The following CLCN6 variants were observed in gnomAD, a reference collection of about 807,000 sequenced individuals.
CLCN6 encodes the protein H(+)/Cl(-) exchange transporter 6.
Under a neutral mutation model 109.8 loss-of-function variants are expected in CLCN6, and 70 were observed. That is an observed-to-expected ratio of 0.64 (90% CI 0.53 to 0.78). The LOEUF (loss-of-function observed/expected upper bound fraction) is 0.78, where lower values mean the gene tolerates loss of function less well. Ranked by LOEUF, CLCN6 falls within the 30% of genes least tolerant of loss-of-function variation. The pLI is 0.00. For synonymous variants in CLCN6, 444 were observed against 447.8 expected (o/e 0.99, Z 0.11); for missense variants, 984 against 1,142.3 (o/e 0.86, Z 2.00).
chr1:11,830,532 A>G (rs564111732), intron 13 of CLCN6, among the ~76,000 whole-genome samples: 19 of 152,058 alleles, frequency 1.2e-4, no homozygotes, highest in South Asian at 2.1e-4. Context: ...GTTATATGCA[A>G]ATATACACCA....
At chr1:11,808,360 C>G in intron 2 of CLCN6, among the ~76,000 whole-genome samples, 1 of 151,838 alleles carries the variant, frequency 6.6e-6, no homozygotes. Context: ...TCCCAAAGTT[C>G]TGGGATTACA....
intron 13 of CLCN6, among the ~76,000 whole-genome samples, chr1:11,829,525 T>C (rs1359494752): frequency 6.6e-6 from 1 of 152,010 alleles, no homozygotes; most frequent in Non-Finnish European, 1.5e-5. Flanking sequence ...CTTTGCCACT[T>C]CTGTGAACAA....
intron 13 of CLCN6, among the ~76,000 whole-genome samples, chr1:11,830,737 T>TCA (rs1359328796): frequency 2.5e-4 from 23 of 91,126 alleles, no homozygotes; most frequent in Admixed American, 2.1e-3. Context: ...TATGTATATA[T>TCA]TATATATATA....
At chr1:11,838,800 C>G (rs763121954) in intron 22 of CLCN6, 140 bp downstream of exon 22, 1 of 1,278,084 alleles carries the variant, frequency 7.8e-7, no homozygotes, top group East Asian at 2.3e-5. Flanking sequence ...GCTTTGAACC[C>G]TGCTCGGCTT....
rs1644525378 is a variant in CLCN6 at position 11,807,113 on chromosome 1, G to A, written c.88-18G>A. 6.2e-7 allele frequency: 1 copy of A among 1,613,474 alleles called. No individual in the cohort carries two copies. The highest frequency in any genetic ancestry group is 1.3e-5 in the African/African-American group (1 of 75,042). On this transcript the variant is annotated intron_variant, in intron 1 of 22. Transcript: ENST00000346436. ...CTAACCACTAAAAAAGGCTCCCTCTGCGGATCTGTTTTTCTAGACCATCCT... is the reference window on the plus strand; with the variant it reads ...CTAACCACTAAAAAAGGCTCCCTCTACGGATCTGTTTTTCTAGACCATCCT...
In CLCN6 at chr1:11,836,210, A is replaced by C. The variant is rs181057366; in HGVS notation, c.1980+57A>C. 3.6e-4 allele frequency: 553 copies of C among 1,519,060 alleles called. 1 individual carries two copies. The African/African-American group carries it at 7.1e-3, about 20-fold the overall frequency. The allele number at this position is 1,519,060 out of a possible 1,614,324, so 94.1% of individuals were successfully genotyped here. On this transcript the variant is annotated intron_variant, in intron 18 of 22. Transcript: ENST00000346436. ...TGAGAGACAAGCGGTCCCGTCTCAC[A>C]CGGCTTAGTGCTTTGCCCACCCCTG...
At position 11,840,541 on chromosome 1, in the gene CLCN6, G is replaced by A. The variant is rs570424929; in HGVS notation, c.*318G>A. The A allele has an allele frequency of 6.6e-6, 3 of 457,892 alleles. No homozygotes were observed. Among genetic ancestry groups the A allele is most frequent in the African/African-American group, 3.9e-5 (2 of 50,792 alleles). The allele number at this position is 457,892 out of a possible 1,614,324, so 28.4% of individuals were successfully genotyped here. A position where few individuals can be genotyped will look rare whatever the true frequency, so the allele number is the denominator to read the frequency against. ...GCAGAGGTAGAATCAGGCGGGCCCC[G>A]GGCTGCACTCCGAGCAGTGTTCCTG... On this transcript the variant is annotated 3_prime_UTR_variant, in exon 23 of 23. Coordinates refer to ENST00000346436, the MANE Select transcript of CLCN6 (RefSeq NM_001286.5).
intron 13 of CLCN6, among the ~76,000 whole-genome samples, chr1:11,830,737 T>TTATATATATATATATATA (rs369772847): frequency 1.1e-5 from 1 of 91,112 alleles, no homozygotes; most frequent in African/African-American, 4.0e-5. Flanking sequence ...TATGTATATA[T>TTATATATATATATATATA]TATATATATA....
intron 9 of CLCN6, 77 bp downstream of exon 9, chr1:11,826,291 T>C: frequency 1.6e-6 from 2 of 1,219,078 alleles, no homozygotes; most frequent in Non-Finnish European, 2.4e-6. Context: ...CGACACTTGC[T>C]CTAGCCTGGC....
intron 2 of CLCN6, among the ~76,000 whole-genome samples, chr1:11,814,270 G>A (rs1176703494): frequency 8.4e-6 from 1 of 119,634 alleles, no homozygotes; most frequent in Non-Finnish European, 1.8e-5. Context: ...TTTTTTGAGA[G>A]TGTCTCACTT....
chr1:11,832,170 A>G (rs1234488933), intron 13 of CLCN6, among the ~76,000 whole-genome samples: 1 of 152,244 alleles, frequency 6.6e-6, no homozygotes, highest in Non-Finnish European at 1.5e-5. Flanking sequence ...GTCTTGACCA[A>G]AAACCTTCAG....
At chr1:11,836,876 C>A in intron 18 of CLCN6, 123 bp from the exon 19 acceptor site, 1 of 1,094,670 alleles carries the variant, frequency 9.1e-7, no homozygotes, top group South Asian at 1.5e-5. Context: ...GAACCTCAGC[C>A]CCATTAAGTT....
In CLCN6 at chr1:11,842,924, C is replaced by T. The variant is rs1463882074; in HGVS notation, c.*2701C>T. 1 of 152,286 alleles carries T rather than the reference C, an allele frequency of 6.6e-6. No individual in the cohort carries two copies. Among genetic ancestry groups the T allele is most frequent in the Non-Finnish European group, 1.5e-5 (1 of 68,062 alleles). 9.4% of individuals were successfully genotyped at this position (152,286 alleles called of 1,614,324 possible). ...TGCAGTATTGATGTGCAGTATTGCA[C>T]CACAGCTCTGCGGACCTTGGCCATT... is the stretch of plus-strand genomic sequence containing the variant. On this transcript the variant is annotated 3_prime_UTR_variant, in exon 23 of 23. Transcript: ENST00000346436.
intron 5 of CLCN6, 37 bp downstream of exon 5, chr1:11,819,591 A>G: frequency 6.4e-7 from 1 of 1,568,418 alleles, no homozygotes; most frequent in Non-Finnish European, 8.8e-7. Flanking sequence ...CGTGGACTTC[A>G]GTGGTCACCA....
chr1:11,834,232 C>T lies in CLCN6; in HGVS notation c.1527-4C>T, dbSNP rs780345564. The T allele has an allele frequency of 1.1e-5, 17 of 1,610,164 alleles. No individual in the cohort carries two copies. The Admixed American group carries it at 2.2e-4, about 21-fold the overall frequency. ...GCCATGTTCTCGGTGTTTTCCTTCA[C>T]TAGCTACATTGGATTGGGCCACATC... is the stretch of plus-strand genomic sequence containing the variant. On this transcript the variant is annotated splice_polypyrimidine_tract_variant and splice_region_variant and intron_variant, in intron 15 of 22. Coordinates refer to ENST00000346436, the MANE Select transcript of CLCN6 (RefSeq NM_001286.5). This position sits in a 1 kb window ranked among gnomAD's most constrained non-coding sequence, Gnocchi z 4.5.
At chr1:11,836,961 T>A (rs1487389527) in intron 18 of CLCN6, 38 bp from the exon 19 acceptor site, 5 of 1,601,020 alleles carry the variant, frequency 3.1e-6, no homozygotes, top group Non-Finnish European at 4.2e-6. Flanking sequence ...TGTGTTCGTT[T>A]GCCCATGCGC....
In CLCN6 at chr1:11,834,060, A is replaced by ATGTGCATGTGTGTGCACGTGTGCGTGTG; in HGVS notation, c.1526+32_1526+59dup. On this transcript the variant is annotated intron_variant, in intron 15 of 22. Transcript: ENST00000346436. This position sits in a 1 kb window ranked among gnomAD's most constrained non-coding sequence, Gnocchi z 4.5. Reference sequence around the variant, plus strand: ...TCTGTGTGTGTGCGTGTGTGTGCGCATGTGCATGTGTGTGCACGTGTGCGT... The same window carrying ATGTGCATGTGTGTGCACGTGTGCGTGTG: ...TCTGTGTGTGTGCGTGTGTGTGCGCATGTGCATGTGTGTGCACGTGTGCGTGTGTGTGCATGTGTGTGCACGTGTGCGT... 1 of 1,609,836 alleles carries ATGTGCATGTGTGTGCACGTGTGCGTGTG rather than the reference A, an allele frequency of 6.2e-7. No homozygotes were observed. The highest frequency in any genetic ancestry group is 1.7e-4 in the Middle Eastern group (1 of 5,938).
chr1:11,812,472 C>T (rs576083993), intron 2 of CLCN6, among the ~76,000 whole-genome samples: 1 of 152,122 alleles, frequency 6.6e-6, no homozygotes, highest in East Asian at 1.9e-4. Flanking sequence ...ATCACCAGCC[C>T]TTGGTGATCA....
At position 11,840,334 on chromosome 1, in the gene CLCN6, C is replaced by A; in HGVS notation, c.*111C>A. The A allele has an allele frequency of 1.0e-6, 1 of 962,764 alleles. No homozygotes were observed. The highest frequency in any genetic ancestry group is 1.7e-6 in the Non-Finnish European group (1 of 603,796). 59.6% of individuals were successfully genotyped at this position (962,764 alleles called of 1,614,324 possible). ...GGCATGGAAGATTCCCAGTCACCCACTCACTCAGAAAGCCGGGAGTCATCG... is the reference window on the plus strand; with the variant it reads ...GGCATGGAAGATTCCCAGTCACCCAATCACTCAGAAAGCCGGGAGTCATCG... On this transcript the variant is annotated 3_prime_UTR_variant, in exon 23 of 23. Transcript: ENST00000346436.
Sources: allele counts gnomAD v4.1 joint callset (sites outside exome capture counted in the v4.1 genomes callset), GRCh38; gene constraint gnomAD v4.1.1; non-coding constraint Gnocchi (gnomAD v3.1); transcripts MANE v1.5; gene names NCBI Gene and HGNC (gene_info 2026-07-23, HGNC 2026-07-21).